Variants in WDR49 observed in about 807,000 individuals in gnomAD.
WDR49 encodes cilia- and flagella-associated protein 337.
WDR49 carries 107 observed loss-of-function variants against 119.5 expected under a neutral mutation model. That is an observed-to-expected ratio of 0.90 (90% CI 0.77 to 1.05). The LOEUF (loss-of-function observed/expected upper bound fraction) is 1.05, where lower values mean the gene tolerates loss of function less well. Ranked by LOEUF, WDR49 falls within the 50% of genes least tolerant of loss-of-function variation. The pLI is 0.00. For synonymous variants in WDR49, 425 were observed against 418.8 expected, an observed-to-expected ratio of 1.01 and a Z score of -0.18; for missense variants, 1,240 against 1,220.5, an observed-to-expected ratio of 1.02 and a Z score of -0.24.
intron 7 of WDR49, among the ~76,000 whole-genome samples, chr3:167,583,585 G>A (rs1301491071): frequency 6.6e-6 from 1 of 152,040 alleles, no homozygotes; most frequent in East Asian, 1.9e-4. Flanking sequence ...TGGGCCTTCA[G>A]GGAGTAAGAA....
chr3:167,550,355 C>T (rs1456120219), intron 10 of WDR49, among the ~76,000 whole-genome samples: 1 of 152,014 alleles, frequency 6.6e-6, no homozygotes, highest in Non-Finnish European at 1.5e-5. Context: ...TTGTTTGTGT[C>T]CTCTTTTATT....
At chr3:167,615,443 T>TAA (rs57991972) in intron 5 of WDR49, among the ~76,000 whole-genome samples, 4 of 135,104 alleles carry the variant, frequency 3.0e-5, no homozygotes, top group South Asian at 2.4e-4. Flanking sequence ...GCTCTCCATT[T>TAA]AAAAAAAAAA....
intron 18 of WDR49, among the ~76,000 whole-genome samples, chr3:167,486,391 A>T (rs1750917390): frequency 6.6e-6 from 1 of 152,104 alleles, no homozygotes; most frequent in Non-Finnish European, 1.5e-5. Flanking sequence ...CAGGATCAAA[A>T]TCTCACATAC....
intron 7 of WDR49, among the ~76,000 whole-genome samples, chr3:167,591,894 T>C (rs1715135188): frequency 6.6e-6 from 1 of 152,168 alleles, no homozygotes; most frequent in South Asian, 2.1e-4. Context: ...TAACATTCAA[T>C]GCTATTATTG....
intron 13 of WDR49, among the ~76,000 whole-genome samples, chr3:167,529,789 C>T (rs2108240815): frequency 6.6e-6 from 1 of 152,140 alleles, no homozygotes; most frequent in South Asian, 2.1e-4. Flanking sequence ...CCTTATAAAA[C>T]CCCTTTTTGG....
intron 2 of WDR49, among the ~76,000 whole-genome samples, chr3:167,628,253 T>C (rs1717218997): frequency 6.6e-6 from 1 of 152,020 alleles, no homozygotes. Flanking sequence ...TTAAGTAAAG[T>C]CAGAGTTTCA....
intron 16 of WDR49, among the ~76,000 whole-genome samples, chr3:167,513,285 TG>T (rs1232463515): frequency 6.6e-6 from 1 of 151,890 alleles, no homozygotes; most frequent in Non-Finnish European, 1.5e-5. Context: ...CAGAAGAGAT[TG>T]GGGGGAGGGG....
intron 16 of WDR49, 47 bp from the exon 17 acceptor site, chr3:167,505,463 T>C: frequency 6.9e-7 from 1 of 1,458,936 alleles, no homozygotes; most frequent in Non-Finnish European, 9.0e-7. Context: ...ACCACAGGGA[T>C]GGAGAAACTC....
At position 167,588,133 on chromosome 3, in the gene WDR49, T is replaced by C. The variant is rs113881688; in HGVS notation, c.1276-11982A>G. ...TACCCTTCCCAGCCTCTAATAACCA[T>C]TCTTCTTCTATCTCCATCAGTTCAA... On this transcript the variant is annotated intron_variant, in intron 7 of 18. Transcript: ENST00000682715. Among the ~76,000 whole-genome samples the C allele has an allele frequency of 3.5e-3, 538 of 152,216 alleles. 6 individuals carry two copies. The highest frequency in any genetic ancestry group is 0.012 in the African/African-American group (507 of 41,552).
intron 15 of WDR49, among the ~76,000 whole-genome samples, chr3:167,527,248 G>A (rs1345226326): frequency 1.3e-5 from 2 of 152,072 alleles, no homozygotes; most frequent in Admixed American, 6.6e-5. Flanking sequence ...TGTAAAATGG[G>A]AATTGTGAGA....
At chr3:167,550,170 A>G (rs1000264784) in intron 10 of WDR49, among the ~76,000 whole-genome samples, 3 of 152,018 alleles carry the variant, frequency 2.0e-5, no homozygotes, top group Non-Finnish European at 4.4e-5. Flanking sequence ...TTGTCTTGGC[A>G]ATGCAGGCTC....
intron 2 of WDR49, among the ~76,000 whole-genome samples, chr3:167,641,239 G>T (rs1441796473): frequency 6.6e-6 from 1 of 151,818 alleles, no homozygotes; most frequent in Non-Finnish European, 1.5e-5. Flanking sequence ...TTTATGATGT[G>T]TCTCTGCAGA....
chr3:167,628,380 TA>T (rs1717225186), intron 2 of WDR49, among the ~76,000 whole-genome samples: 1 of 152,116 alleles, frequency 6.6e-6, no homozygotes, highest in East Asian at 1.9e-4. Context: ...GTTATGAATG[TA>T]AAGGAAAAGT....
intron 7 of WDR49, among the ~76,000 whole-genome samples, chr3:167,586,319 T>G (rs2108292433): frequency 6.6e-6 from 1 of 152,310 alleles, no homozygotes; most frequent in East Asian, 1.9e-4. Flanking sequence ...TCCAAATGAC[T>G]AAGTTACTTG....
At chr3:167,595,273 C>T (rs1159692866) in intron 7 of WDR49, among the ~76,000 whole-genome samples, 4 of 152,112 alleles carry the variant, frequency 2.6e-5, no homozygotes, top group South Asian at 2.1e-4. Context: ...GAATCAATAT[C>T]GTGAAAATGG....
intron 18 of WDR49, among the ~76,000 whole-genome samples, chr3:167,493,294 T>C (rs1751223236): frequency 6.6e-6 from 1 of 152,206 alleles, no homozygotes. Context: ...GTCAGCAGTA[T>C]GCCACCTATC....
chr3:167,599,482 G>A (rs900435578), intron 7 of WDR49, among the ~76,000 whole-genome samples: 1 of 152,172 alleles, frequency 6.6e-6, no homozygotes, highest in African/African-American at 2.4e-5. Context: ...CTTCAGGGCA[G>A]TGGGCTCTCC....
At chr3:167,620,306 C>T (rs1202992413) in intron 5 of WDR49, 123 bp downstream of exon 5, 2 of 1,011,170 alleles carry the variant, frequency 2.0e-6, no homozygotes, top group South Asian at 4.8e-5. Context: ...CAGGCCACAA[C>T]CTCCAGAGAA....
chr3:167,620,634 G>A (rs538870152), intron 4 of WDR49, 31 bp from the exon 5 acceptor site: 10 of 1,505,172 alleles, frequency 6.6e-6, no homozygotes, highest in Middle Eastern at 1.7e-4. Flanking sequence ...AACAACAATC[G>A]TGGACGGGAT....
Sources: allele counts gnomAD v4.1 joint callset (sites outside exome capture counted in the v4.1 genomes callset), GRCh38; gene constraint gnomAD v4.1.1; transcripts MANE v1.5; gene names NCBI Gene and HGNC (gene_info 2026-07-23, HGNC 2026-07-21).